Variants in NRG1 observed in about 807,000 individuals in gnomAD.
NRG1 encodes the protein pro-neuregulin-1, membrane-bound isoform.
In NRG1, 18 loss-of-function variants were observed where a neutral mutation model predicts 63.8. That is an observed-to-expected ratio of 0.28 (90% CI 0.19 to 0.42). The LOEUF (loss-of-function observed/expected upper bound fraction) is 0.42, where lower values mean the gene tolerates loss of function less well. Among genes scored for constraint, NRG1 ranks in the 10% least tolerant of loss-of-function variants. The pLI is 1.00. For missense variants in NRG1, 762 were observed against 814.7 expected, an observed-to-expected ratio of 0.94 and a Z score of 0.79; for synonymous variants, 302 against 301.3, an observed-to-expected ratio of 1.00 and a Z score of -0.02.
chr8:32,377,597 G>A (rs1434873526), intron 1 of NRG1, among the ~76,000 whole-genome samples: 1 of 152,174 alleles, frequency 6.6e-6, no homozygotes, highest in Admixed American at 6.5e-5. Context: ...TTTATTCAAA[G>A]TAAGGATTTG....
At chr8:31,772,964 G>T (rs1293636453) in intron 1 of NRG1, among the ~76,000 whole-genome samples, 11 of 152,144 alleles carry the variant, frequency 7.2e-5, no homozygotes, top group Non-Finnish European at 1.6e-4. Flanking sequence ...TGAGTGCCTC[G>T]AAGAGAGTTT....
chr8:32,494,293 A>G (rs897606245), intron 1 of NRG1, among the ~76,000 whole-genome samples: 1 of 152,184 alleles, frequency 6.6e-6, no homozygotes, highest in African/African-American at 2.4e-5. Flanking sequence ...CCCACCAGAG[A>G]ATATTCTTAA....
At position 32,349,627 on chromosome 8, in the gene NRG1, A is replaced by G. The variant is rs544185599; in HGVS notation, c.38-246201A>G. 1.4e-4 allele frequency among the ~76,000 whole-genome samples: 21 copies of G among 152,348 alleles called. No homozygotes were observed. The South Asian group carries it at 3.7e-3, about 27-fold the overall frequency. On this transcript the variant is annotated intron_variant, in intron 1 of 10. Coordinates refer to the NRG1 transcript ENST00000519301. ...AAGAATGAGAAATCCTCGATTTCCC[A>G]TATGACAGGATGACTTGGTTACACG...
At chr8:32,562,205 C>T (rs1227752297) in intron 1 of NRG1, among the ~76,000 whole-genome samples, 1 of 151,908 alleles carries the variant, frequency 6.6e-6, no homozygotes, top group East Asian at 1.9e-4. Flanking sequence ...CACTGGGGGC[C>T]CATCCAAAAA....
intron 1 of NRG1, among the ~76,000 whole-genome samples, chr8:32,024,341 G>A (rs1816914550): frequency 6.6e-6 from 1 of 152,208 alleles, no homozygotes; most frequent in Non-Finnish European, 1.5e-5. Context: ...ATGAGCCCAA[G>A]CCTTGGAACT....
chr8:32,341,447 G>T lies in NRG1; in HGVS notation c.38-254381G>T, dbSNP rs558893304. Among the ~76,000 whole-genome samples, 183 of 152,334 alleles carry T rather than the reference G, an allele frequency of 1.2e-3. 1 individual carries two copies. Among genetic ancestry groups the T allele is most frequent in the African/African-American group, 4.3e-3 (180 of 41,572 alleles). ...TCATCCCCTGGTTCTACAGAAGACTGTAAGGACAGAGGAATGAGGCATTTC... is the reference window on the plus strand; with the variant it reads ...TCATCCCCTGGTTCTACAGAAGACTTTAAGGACAGAGGAATGAGGCATTTC... On this transcript the variant is annotated intron_variant, in intron 1 of 10. Transcript: ENST00000519301.
intron 1 of NRG1, among the ~76,000 whole-genome samples, chr8:32,144,146 CTGAG>C (rs1289890145): frequency 6.6e-6 from 1 of 152,128 alleles, no homozygotes; most frequent in African/African-American, 2.4e-5. Context: ...CATCTGGAGA[CTGAG>C]AGAGACAAAG....
chr8:31,690,028 G>A (rs1809328232), intron 1 of NRG1, among the ~76,000 whole-genome samples: 1 of 152,174 alleles, frequency 6.6e-6, no homozygotes, highest in South Asian at 2.1e-4. Flanking sequence ...CCTGTGGGAG[G>A]TAATTGAATC....
intron 5 of NRG1, among the ~76,000 whole-genome samples, chr8:32,696,551 C>A (rs1813338359): frequency 6.6e-6 from 1 of 152,024 alleles, no homozygotes; most frequent in Non-Finnish European, 1.5e-5. Context: ...AAATTTTTAC[C>A]ACTTTTGCCT....
At chr8:32,237,698 C>T (rs764428432) in intron 1 of NRG1, among the ~76,000 whole-genome samples, 1 of 152,052 alleles carries the variant, frequency 6.6e-6, no homozygotes, top group African/African-American at 2.4e-5. Context: ...ATCTGCTTAC[C>T]ACCTAGAAAC....
chr8:32,479,711 G>A (rs572330551), intron 1 of NRG1, among the ~76,000 whole-genome samples: 21 of 152,070 alleles, frequency 1.4e-4, no homozygotes, highest in South Asian at 6.2e-4. Flanking sequence ...GTACAGTGGC[G>A]CGATCTCAGC....
intron 1 of NRG1, among the ~76,000 whole-genome samples, chr8:31,801,740 A>G (rs915018038): frequency 2.6e-5 from 4 of 152,260 alleles, no homozygotes; most frequent in Admixed American, 6.5e-5. Flanking sequence ...ATTTATTCAA[A>G]GAAATATTAT....
At chr8:32,370,489 A>G (rs1268496684) in intron 1 of NRG1, among the ~76,000 whole-genome samples, 1 of 152,164 alleles carries the variant, frequency 6.6e-6, no homozygotes, top group Non-Finnish European at 1.5e-5. Context: ...TGTATTACAT[A>G]TATTTTCATT....
intron 1 of NRG1, among the ~76,000 whole-genome samples, chr8:32,387,779 A>T (rs1182495345): frequency 2.6e-5 from 4 of 152,214 alleles, no homozygotes; most frequent in Admixed American, 6.5e-5. Flanking sequence ...AGCAAAAAAA[A>T]ATCCCGGTGG....
At chr8:32,405,692 T>C (rs1472494198) in intron 1 of NRG1, among the ~76,000 whole-genome samples, 1 of 152,198 alleles carries the variant, frequency 6.6e-6, no homozygotes, top group Non-Finnish European at 1.5e-5. Context: ...TATGAAACTA[T>C]TCCTATACAA....
At chr8:31,923,247 G>C (rs1023353560) in intron 1 of NRG1, among the ~76,000 whole-genome samples, 1 of 151,648 alleles carries the variant, frequency 6.6e-6, no homozygotes, top group African/African-American at 2.4e-5. Flanking sequence ...ATTTTTTTCT[G>C]CACCTATTAA....
At chr8:32,005,522 T>C (rs968711220) in intron 1 of NRG1, among the ~76,000 whole-genome samples, 1 of 152,030 alleles carries the variant, frequency 6.6e-6, no homozygotes, top group African/African-American at 2.4e-5. Context: ...TGAAAAATAG[T>C]CATCTTAAGA....
chr8:32,768,547 AAACAAATCAAACTCATGTCTATCT>A (rs1831592284), downstream of NRG1, among the ~76,000 whole-genome samples: 1 of 152,208 alleles, frequency 6.6e-6, no homozygotes, highest in African/African-American at 2.4e-5. Context: ...TCTGTCAATA[AAACAAATCAAACTCATGTCTATCT>A]AACTGCTCAG....
At chr8:32,490,261 C>T (rs892899669) in intron 1 of NRG1, among the ~76,000 whole-genome samples, 12 of 151,724 alleles carry the variant, frequency 7.9e-5, no homozygotes, top group South Asian at 6.2e-4. Flanking sequence ...ACTGATATCG[C>T]GCCACTGCAC....
Sources: gnomAD v4.1 joint callset for allele counts (sites outside exome capture counted in the v4.1 genomes callset) on GRCh38, gnomAD v4.1.1 for gene constraint, MANE v1.5 for transcripts, NCBI Gene and HGNC (gene_info 2026-07-23, HGNC 2026-07-21) for gene names.